CEP152: variants seen among roughly 807,000 people sequenced by gnomAD.
The protein encoded by CEP152 is centrosomal protein 152.
In CEP152, 132 loss-of-function variants were observed where a neutral mutation model predicts 188.9. The ratio of observed to expected loss-of-function variants is 0.70; its 90% CI spans 0.61 to 0.81. The LOEUF (loss-of-function observed/expected upper bound fraction) is 0.81, where lower values mean the gene tolerates loss of function less well. CEP152 is among the 30% of genes least tolerant of loss of function. CEP152 has a pLI of 0.00. For missense variants in CEP152, 1,914 were observed against 1,969.8 expected (o/e 0.97, Z 0.54); for synonymous variants, 649 against 666.6 (o/e 0.97, Z 0.41).
chr15:48,781,052 CACTGATA>C, intron 12 of CEP152, 137 bp downstream of exon 12: 1 of 717,508 alleles, frequency 1.4e-6, no homozygotes, highest in South Asian at 1.8e-5. Flanking sequence ...TTTATACTAT[CACTGATA>C]AATGCAAGGT....
intron 22 of CEP152, among the ~76,000 whole-genome samples, chr15:48,748,215 C>T (rs911857340): frequency 6.6e-6 from 1 of 152,074 alleles, no homozygotes; most frequent in Non-Finnish European, 1.5e-5. Context: ...CCCTCAATAT[C>T]TGTTTAATCA....
intron 2 of CEP152, among the ~76,000 whole-genome samples, chr15:48,730,379 T>C (rs1892381639): frequency 6.6e-6 from 1 of 152,196 alleles, no homozygotes; most frequent in Non-Finnish European, 1.5e-5. Flanking sequence ...GGGCAAGAGA[T>C]GGGCAGACTA....
In CEP152 at chr15:48,805,578, A is replaced by G; in HGVS notation, c.72T>C (p.Tyr24=). 1 of 1,594,248 alleles carries G rather than the reference A, an allele frequency of 6.3e-7. No homozygotes were observed. Among genetic ancestry groups the G allele is most frequent in the East Asian group, 2.3e-5 (1 of 43,270 alleles). ...AACAACTTACCTCTTTCTCTCTTTC[A>G]TAGTCCTCTTCGTCATACTCTTCAT... ...NEDEEYDEED[Y]EREKELQQLL... Residue 24 remains tyrosine (Y), a synonymous_variant, in exon 2 of 27, where the codon TAT becomes TAC. Transcript: ENST00000380950.
intron 13 of CEP152, among the ~76,000 whole-genome samples, chr15:48,771,111 T>A (rs1895498027): frequency 6.6e-6 from 1 of 152,164 alleles, no homozygotes; most frequent in South Asian, 2.1e-4. Flanking sequence ...GGAGTATAGA[T>A]GGCTGATGAT....
chr15:48,796,889 G>T (rs928575301), intron 5 of CEP152, among the ~76,000 whole-genome samples: 2 of 152,144 alleles, frequency 1.3e-5, no homozygotes, highest in Non-Finnish European at 2.9e-5. Context: ...TTTGTTATGG[G>T]TGGTGAGCAA....
intron 11 of CEP152, among the ~76,000 whole-genome samples, chr15:48,781,937 T>C (rs1259264668): frequency 2.0e-5 from 3 of 152,134 alleles, no homozygotes; most frequent in Non-Finnish European, 4.4e-5. Flanking sequence ...TGGCAGGAAG[T>C]GCAGGGCCTT....
chr15:48,753,453 C>A (rs1372871917), intron 20 of CEP152, among the ~76,000 whole-genome samples: 2 of 152,170 alleles, frequency 1.3e-5, no homozygotes, highest in Non-Finnish European at 2.9e-5. Context: ...ATGCCTGATT[C>A]TAGAAGCCTT....
At chr15:48,759,240 A>T (rs568814122) in intron 19 of CEP152, among the ~76,000 whole-genome samples, 98 of 152,262 alleles carry the variant, frequency 6.4e-4, no homozygotes, top group African/African-American at 2.3e-3. Flanking sequence ...TACAGATCTG[A>T]AATCTTCAAT....
chr15:48,752,475 A>G lies in CEP152; in HGVS notation c.3346-6T>C. 6.2e-7 allele frequency: 1 copy of G among 1,613,180 alleles called. No homozygotes were observed. Among genetic ancestry groups the G allele is most frequent in the Non-Finnish European group, 8.5e-7 (1 of 1,179,990 alleles). Reference sequence around the variant, plus strand: ...GAGAGCTCGGCCATATTTCTCTGAAATAAAGTATCTTCAAAGTTAATGCTT... The same window carrying G: ...GAGAGCTCGGCCATATTTCTCTGAAGTAAAGTATCTTCAAAGTTAATGCTT... On this transcript the variant is annotated splice_polypyrimidine_tract_variant and splice_region_variant and intron_variant, in intron 20 of 26. Transcript: ENST00000380950.
chr15:48,797,148 A>C (rs1189528470), intron 5 of CEP152, among the ~76,000 whole-genome samples, 153 bp downstream of exon 5: 1 of 152,258 alleles, frequency 6.6e-6, no homozygotes, highest in Non-Finnish European at 1.5e-5. Context: ...ACCATGACTA[A>C]TTCACCATGA....
At chr15:48,792,627 G>A (rs535411975) in intron 7 of CEP152, among the ~76,000 whole-genome samples, 26 of 152,212 alleles carry the variant, frequency 1.7e-4, no homozygotes, top group African/African-American at 5.3e-4. Flanking sequence ...CTCAGGAAAC[G>A]CTGCAGTGCA....
In CEP152 at chr15:48,799,435, C is replaced by G. The variant is rs1234334236; in HGVS notation, c.88-1384G>C. ...AGTATGTTGGAGGTGGGTGGGAATA[C>G]TTCCTCACTCTATATTTATTTCTCA... On this transcript the variant is annotated intron_variant, in intron 2 of 26. Transcript: ENST00000380950. 2.6e-5 allele frequency among the ~76,000 whole-genome samples: 4 copies of G among 152,194 alleles called. 1 individual carries two copies. The South Asian group carries it at 8.3e-4, about 32-fold the overall frequency.
chr15:48,752,926 A>T (rs1893981015), intron 20 of CEP152, among the ~76,000 whole-genome samples: 1 of 152,182 alleles, frequency 6.6e-6, no homozygotes, highest in African/African-American at 2.4e-5. Context: ...AATCATTTTA[A>T]ATTTATATAG....
chr15:48,803,272 G>A (rs139578381), intron 2 of CEP152, among the ~76,000 whole-genome samples: 39 of 152,264 alleles, frequency 2.6e-4, no homozygotes, highest in African/African-American at 8.9e-4. Flanking sequence ...AATCTCTTAA[G>A]GCTGTGAACC....
At chr15:48,782,069 T>G in intron 11 of CEP152, 70 bp downstream of exon 11, 1 of 1,399,534 alleles carries the variant, frequency 7.1e-7, no homozygotes, top group East Asian at 2.3e-5. Flanking sequence ...AAACCCAAGA[T>G]TCAAAAAGGT....
intron 13 of CEP152, among the ~76,000 whole-genome samples, chr15:48,770,981 A>G (rs1895487142): frequency 6.6e-6 from 1 of 152,208 alleles, no homozygotes; most frequent in South Asian, 2.1e-4. Flanking sequence ...AAACAGTACT[A>G]AAGAAGGAAG....
At chr15:48,740,536 G>C (rs973687050) in intron 26 of CEP152, 1 of 147,436 alleles carries the variant, frequency 6.8e-6, no homozygotes, top group African/African-American at 2.5e-5. Context: ...GATTTTGTTA[G>C]ATTGAAAATG....
chr15:48,783,791 GTA>G (rs750692754), intron 10 of CEP152, 180 bp downstream of exon 10: 3,232 of 148,802 alleles, frequency 0.022, no homozygotes, highest in Middle Eastern at 0.038. Context: ...ATATATATAT[GTA>G]TATATATATA....
At chr15:48,805,539 T>C (rs753096437) in intron 2 of CEP152, 24 bp downstream of exon 2, 187 of 1,547,620 alleles carry the variant, frequency 1.2e-4, no homozygotes, top group East Asian at 4.0e-4. Flanking sequence ...GTGTCTCTTT[T>C]TTTTTTTTTT....
Sources: allele counts gnomAD v4.1 joint callset (sites outside exome capture counted in the v4.1 genomes callset), GRCh38; gene constraint gnomAD v4.1.1; transcripts MANE v1.5; gene names NCBI Gene and HGNC (gene_info 2026-07-23, HGNC 2026-07-21).